KIAA1328: variants seen among roughly 807,000 people sequenced by gnomAD.
The protein encoded by KIAA1328 is KIAA1328, also known as protein hinderin.
A neutral mutation model predicts 68.1 loss-of-function variants in KIAA1328; 52 were observed. The ratio of observed to expected loss-of-function variants is 0.76; its 90% confidence interval spans 0.61 to 0.96. KIAA1328 has a LOEUF of 0.96. Ranked by LOEUF, KIAA1328 falls within the 40% of genes least tolerant of loss-of-function variation. KIAA1328 has a pLI of 0.00. For synonymous variants in KIAA1328, 232 were observed against 239.4 expected (o/e 0.97, Z 0.28); for missense variants, 641 against 677.6 (o/e 0.95, Z 0.60).
chr18:37,190,424 A>G lies in KIAA1328; in HGVS notation c.1523+17343A>G, dbSNP rs2059884319. On this transcript the variant is annotated intron_variant, in intron 9 of 9. Transcript: ENST00000280020. ...TATTAAAGTTAAATCAAGCAATTAGAATGAATTTCTTTGTAGAGGAAGAAA... is the reference window on the plus strand; with the variant it reads ...TATTAAAGTTAAATCAAGCAATTAGGATGAATTTCTTTGTAGAGGAAGAAA... Among the ~76,000 whole-genome samples, 5 of 152,168 alleles carry G rather than the reference A, an allele frequency of 3.3e-5. No homozygotes were observed. In the South Asian group the frequency reaches 1.0e-3, roughly 31 times the overall value.
At chr18:36,929,915 G>T (rs1490355789) in intron 5 of KIAA1328, among the ~76,000 whole-genome samples, 1 of 152,134 alleles carries the variant, frequency 6.6e-6, no homozygotes, top group Non-Finnish European at 1.5e-5. Context: ...GTGTAAGACA[G>T]TTGGGTGGTA....
chr18:36,840,936 G>A (rs143878590), intron 3 of KIAA1328, among the ~76,000 whole-genome samples: 25 of 152,288 alleles, frequency 1.6e-4, no homozygotes, highest in South Asian at 6.2e-4. Context: ...AGTAGAATGA[G>A]CAGGAATCTT....
chr18:37,028,162 G>T (rs1414008285), intron 6 of KIAA1328, among the ~76,000 whole-genome samples: 1 of 152,106 alleles, frequency 6.6e-6, no homozygotes, highest in East Asian at 1.9e-4. Context: ...TGTGGTATTT[G>T]GTTTTCTGTT....
At chr18:36,868,633 G>A (rs2047835869) in intron 4 of KIAA1328, among the ~76,000 whole-genome samples, 1 of 152,106 alleles carries the variant, frequency 6.6e-6, no homozygotes, top group African/African-American at 2.4e-5. Context: ...TTAGAACAAT[G>A]TTGGCCACAA....
intron 6 of KIAA1328, among the ~76,000 whole-genome samples, chr18:37,020,771 T>G (rs1302415475): frequency 6.6e-6 from 1 of 152,178 alleles, no homozygotes. Context: ...TATCATCTGC[T>G]CGAAATAGTT....
chr18:37,226,948 G>T (rs536016269), downstream of KIAA1328, among the ~76,000 whole-genome samples: 16 of 152,096 alleles, frequency 1.1e-4, no homozygotes, highest in Non-Finnish European at 1.3e-4. Context: ...TGTATTTTTA[G>T]TAGAGACGGG....
At chr18:36,889,855 G>A (rs961181932) in intron 5 of KIAA1328, among the ~76,000 whole-genome samples, 3 of 152,078 alleles carry the variant, frequency 2.0e-5, no homozygotes, top group African/African-American at 4.8e-5. Flanking sequence ...ATTATGCAAG[G>A]GTTAGGCTGC....
intron 5 of KIAA1328, among the ~76,000 whole-genome samples, chr18:36,940,925 C>T (rs12958843): frequency 0.6 from 90,729 of 151,960 alleles, 28,893 homozygotes; most frequent in East Asian, 0.87. Flanking sequence ...CCACCCGCCT[C>T]GGCCTCCCAA....
At chr18:36,894,282 T>C (rs1481642262) in intron 5 of KIAA1328, among the ~76,000 whole-genome samples, 1 of 152,188 alleles carries the variant, frequency 6.6e-6, no homozygotes, top group East Asian at 1.9e-4. Flanking sequence ...AATTTTTTGG[T>C]ATTCAAAAGC....
At chr18:36,991,038 T>A (rs2053157466) in intron 6 of KIAA1328, among the ~76,000 whole-genome samples, 1 of 152,190 alleles carries the variant, frequency 6.6e-6, no homozygotes, top group South Asian at 2.1e-4. Context: ...TCTTCCTATT[T>A]ATTTATTGGT....
intron 5 of KIAA1328, among the ~76,000 whole-genome samples, chr18:36,926,980 A>T (rs577274391): frequency 6.6e-6 from 1 of 152,266 alleles, no homozygotes; most frequent in African/African-American, 2.4e-5. Context: ...GACAATGGGG[A>T]GGTCCCAAAC....
At chr18:36,992,987 G>C (rs1286946329) in intron 6 of KIAA1328, among the ~76,000 whole-genome samples, 1 of 151,998 alleles carries the variant, frequency 6.6e-6, no homozygotes, top group Non-Finnish European at 1.5e-5. Flanking sequence ...TGCACCTGTA[G>C]TCCCAGCTCC....
At chr18:36,929,426 T>G (rs1037497981) in intron 5 of KIAA1328, among the ~76,000 whole-genome samples, 1 of 151,312 alleles carries the variant, frequency 6.6e-6, no homozygotes, top group Non-Finnish European at 1.5e-5. Context: ...AGTTTTATTG[T>G]TAATTGTAGT....
At chr18:36,851,482 T>G (rs909246233) in intron 4 of KIAA1328, among the ~76,000 whole-genome samples, 6 of 152,158 alleles carry the variant, frequency 3.9e-5, no homozygotes, top group African/African-American at 1.4e-4. Context: ...ATCATTTTAC[T>G]TGGTATAGGT....
intron 9 of KIAA1328, among the ~76,000 whole-genome samples, chr18:37,196,929 TACAAAAAGCCATATAA>T (rs2060014144): frequency 6.6e-6 from 1 of 152,106 alleles, no homozygotes; most frequent in Non-Finnish European, 1.5e-5. Context: ...ATGGGAGACT[TACAAAAAGCCATATAA>T]ATATGGCTTC....
chr18:37,051,748 A>G (rs930306153), intron 6 of KIAA1328, among the ~76,000 whole-genome samples: 1 of 152,132 alleles, frequency 6.6e-6, no homozygotes, highest in African/African-American at 2.4e-5. Context: ...CACAATAAAT[A>G]AGACTACAGG....
chr18:37,058,846 G>A (rs879909837), intron 6 of KIAA1328, among the ~76,000 whole-genome samples: 1 of 152,130 alleles, frequency 6.6e-6, no homozygotes, highest in Admixed American at 6.5e-5. Context: ...CCCTTTGACT[G>A]GAGAGGTAGA....
At chr18:36,971,737 GGCCATTATCCTTA>G (rs1407933115) in intron 6 of KIAA1328, among the ~76,000 whole-genome samples, 3 of 152,234 alleles carry the variant, frequency 2.0e-5, no homozygotes, top group African/African-American at 7.2e-5. Flanking sequence ...TTGAACAAGA[GGCCATTATCCTTA>G]GCAAACTAAC....
intron 8 of KIAA1328, among the ~76,000 whole-genome samples, chr18:37,171,458 C>A (rs962689057): frequency 6.6e-6 from 1 of 152,128 alleles, no homozygotes; most frequent in Non-Finnish European, 1.5e-5. Context: ...GATCCTCCTG[C>A]CTTGGCCTCC....
Sources: allele counts gnomAD v4.1 joint callset (sites outside exome capture counted in the v4.1 genomes callset), GRCh38; gene constraint gnomAD v4.1.1; transcripts MANE v1.5; gene names NCBI Gene and HGNC (gene_info 2026-07-23, HGNC 2026-07-21).